TRAK1: variants seen among roughly 807,000 people sequenced by gnomAD.
TRAK1 encodes trafficking kinesin protein 1, also known as trafficking kinesin-binding protein 1.
In TRAK1, 33 loss-of-function variants were observed where a neutral mutation model predicts 92.1. The ratio of observed to expected loss-of-function variants is 0.36; its 90% CI spans 0.27 to 0.48. TRAK1 has a LOEUF of 0.48. TRAK1 is among the 20% of genes least tolerant of loss of function. The pLI is 0.99. For synonymous variants in TRAK1, 521 were observed against 517.3 expected, an observed-to-expected ratio of 1.01 and a Z score of -0.10; for missense variants, 1,123 against 1,257.9, an observed-to-expected ratio of 0.89 and a Z score of 1.62.
intron 1 of TRAK1, among the ~76,000 whole-genome samples, chr3:42,047,395 G>A (rs1702797802): frequency 6.6e-6 from 1 of 151,284 alleles, no homozygotes; most frequent in South Asian, 2.1e-4. Context: ...TGTAGAGATG[G>A]GGTCTTGCTT....
intron 2 of TRAK1, among the ~76,000 whole-genome samples, chr3:42,145,475 ACT>A (rs1373694244): frequency 2.1e-5 from 3 of 144,104 alleles, no homozygotes; most frequent in South Asian, 2.2e-4. Context: ...ACAGAGTGAG[ACT>A]CTGTCTCAAA....
chr3:42,093,859 C>T (rs942398815), intron 1 of TRAK1, among the ~76,000 whole-genome samples: 3 of 151,320 alleles, frequency 2.0e-5, no homozygotes, highest in Non-Finnish European at 1.5e-5. Flanking sequence ...TGCGCCACCA[C>T]GCCCAGCTAT....
At chr3:42,086,273 G>A (rs552340727), upstream of TRAK1, among the ~76,000 whole-genome samples, 6 of 151,712 alleles carry the variant, frequency 4.0e-5, no homozygotes, top group African/African-American at 1.5e-4. Flanking sequence ...TTAAATGAGG[G>A]TGAGTCTGTA....
intron 1 of TRAK1, among the ~76,000 whole-genome samples, chr3:42,063,165 TTCATTTCCATA>T (rs545884024): frequency 6.6e-6 from 1 of 152,206 alleles, no homozygotes; most frequent in Non-Finnish European, 1.5e-5. Flanking sequence ...GCCACACCCA[TTCATTTCCATA>T]TTTTCTGACT....
chr3:42,149,641 GTA>G, intron 2 of TRAK1: 12 of 1,535,928 alleles, frequency 7.8e-6, no homozygotes, highest in Non-Finnish European at 9.6e-6. Flanking sequence ...ATGTATAGGG[GTA>G]TTGTCTCCTT....
chr3:42,178,618 TA>T (rs1293297852), intron 3 of TRAK1, among the ~76,000 whole-genome samples: 2 of 152,164 alleles, frequency 1.3e-5, no homozygotes, highest in African/African-American at 4.8e-5. Flanking sequence ...ATTTATTTTT[TA>T]TTTTTTGTGG....
chr3:42,194,936 C>T lies in TRAK1; in HGVS notation c.1108C>T (p.Pro370Ser). 1 of 1,613,644 alleles carries T rather than the reference C, an allele frequency of 6.2e-7. No homozygotes were observed. Among genetic ancestry groups the T allele is most frequent in the Non-Finnish European group, 8.5e-7 (1 of 1,179,794 alleles). Reference sequence around the variant, plus strand: ...GCGCTACCACTCACTGGGCCTGTTTCCCATGGTGAGCTGTGCTTTCTTCCC... The same window carrying T: ...GCGCTACCACTCACTGGGCCTGTTTTCCATGGTGAGCTGTGCTTTCTTCCC... ...SRRYHSLGLF[P>S]MDSLAAEIEG... is the part of the protein sequence containing the mutation. Residue 370 changes from proline to serine, a missense_variant, in exon 10 of 16, where the codon CCC becomes TCC. By Grantham distance (74) the Pro-to-Ser change is moderately conservative. This residue lies in a region of TRAK1 where 686 missense variants were observed against 747.6 expected (regional missense o/e 0.92). Transcript: ENST00000327628.
intron 2 of TRAK1, among the ~76,000 whole-genome samples, chr3:42,153,493 C>G: frequency 6.6e-6 from 1 of 152,254 alleles, no homozygotes; most frequent in East Asian, 1.9e-4. Context: ...CAGACTTGCT[C>G]TCCATCCCCG....
chr3:42,135,547 C>T (rs72869935), intron 2 of TRAK1, among the ~76,000 whole-genome samples: 2,432 of 152,160 alleles, frequency 0.016, 70 homozygotes, highest in African/African-American at 0.056. Context: ...GGCCACCAAA[C>T]GAGACCCCAT....
chr3:42,078,171 T>G (rs964168795), intron 1 of TRAK1, among the ~76,000 whole-genome samples: 3 of 152,162 alleles, frequency 2.0e-5, no homozygotes, highest in Admixed American at 1.3e-4. Flanking sequence ...CTGGTTTGCC[T>G]TCCCACTAAG....
intron 1 of TRAK1, among the ~76,000 whole-genome samples, chr3:42,106,741 TGTCAGG>T (rs1363750709): frequency 3.9e-5 from 6 of 152,254 alleles, no homozygotes; most frequent in Non-Finnish European, 4.4e-5. Flanking sequence ...ATCATTTTAC[TGTCAGG>T]GTATATTTGT....
Position 42,223,961 on chromosome 3 carries a change from G to A in TRAK1, c.*224G>A, listed in dbSNP as rs775835984. 41 of 643,842 alleles carry A rather than the reference G, an allele frequency of 6.4e-5. No homozygotes were observed. The highest frequency in any genetic ancestry group is 5.5e-4 in the African/African-American group (30 of 54,586). The allele number at this position is 643,842 out of a possible 1,614,324, so 39.9% of individuals were successfully genotyped here. The stretch of plus-strand genomic sequence containing the variant: ...TTGTGTCCGCCCTGCTCTTTCTTCC[G>A]ATCCCACAGGAAGTGCCCCTGCACT... On this transcript the variant is annotated 3_prime_UTR_variant, in exon 16 of 16. Transcript: ENST00000327628. This position sits in a 1 kb window ranked among gnomAD's most constrained non-coding sequence, Gnocchi z 6.1.
intron 1 of TRAK1, among the ~76,000 whole-genome samples, chr3:42,060,927 G>A (rs1005001950): frequency 3.9e-5 from 6 of 151,966 alleles, no homozygotes; most frequent in African/African-American, 1.5e-4. Context: ...CACCGCGCCC[G>A]GCCTTTTTTG....
chr3:42,055,500 T>C (rs886400362), intron 1 of TRAK1, among the ~76,000 whole-genome samples: 2 of 152,240 alleles, frequency 1.3e-5, no homozygotes, highest in African/African-American at 4.8e-5. Flanking sequence ...TCTTGCTCTG[T>C]TGCCCAAGCT....
Position 42,047,309 on chromosome 3 carries a change from C to T in TRAK1, c.-519+33192C>T, listed in dbSNP as rs571287636. ...CTCCTGGGCTCAAGTGATCCTCCCA[C>T]CTCAGCCTTCCAAGAAGCTGGGACT... On this transcript the variant is annotated intron_variant, in intron 1 of 16. Coordinates refer to the TRAK1 transcript ENST00000487159. Among the ~76,000 whole-genome samples, 7 of 151,138 alleles carry T rather than the reference C, an allele frequency of 4.6e-5. No individual in the cohort carries two copies. The East Asian group carries it at 1.4e-3, about 29-fold the overall frequency.
In TRAK1 at chr3:42,143,648, C is replaced by T. The variant is rs535485091; in HGVS notation, c.286+18034C>T. ...CAGTGGCTGTGAGGCTTACCCGAGACGGCTCCTGGGACCTGTTTTTATTCC... is the reference window on the plus strand; with the variant it reads ...CAGTGGCTGTGAGGCTTACCCGAGATGGCTCCTGGGACCTGTTTTTATTCC... On this transcript the variant is annotated intron_variant, in intron 2 of 15. Transcript: ENST00000327628. 8.5e-5 allele frequency among the ~76,000 whole-genome samples: 13 copies of T among 152,286 alleles called. No homozygotes were observed. The South Asian group carries it at 1.0e-3, about 12-fold the overall frequency.
At chr3:42,214,889 G>A (rs528308645) in intron 14 of TRAK1, among the ~76,000 whole-genome samples, 55 of 152,264 alleles carry the variant, frequency 3.6e-4, no homozygotes, top group Non-Finnish European at 1.6e-4. Context: ...CCAGAACTAA[G>A]GCCTTTAAAA....
At chr3:42,198,522 G>A (rs115114295) in intron 10 of TRAK1, among the ~76,000 whole-genome samples, 1 of 152,306 alleles carries the variant, frequency 6.6e-6, no homozygotes, top group African/African-American at 2.4e-5. Flanking sequence ...TTCCCTTGCA[G>A]GAGGCCAGGG....
At chr3:42,220,602 C>A in intron 15 of TRAK1, 1 of 985,300 alleles carries the variant, frequency 1.0e-6, no homozygotes, top group Non-Finnish European at 1.2e-6. Flanking sequence ...GTGAGCACAC[C>A]GCCAGCAGTG....
Sources: allele counts gnomAD v4.1 joint callset (sites outside exome capture counted in the v4.1 genomes callset), GRCh38; gene constraint gnomAD v4.1.1; regional missense constraint gnomAD v4.1.1; non-coding constraint Gnocchi (gnomAD v3.1); transcripts MANE v1.5; gene names NCBI Gene and HGNC (gene_info 2026-07-23, HGNC 2026-07-21).